The following TTC28 variants were observed in gnomAD, a reference collection of about 807,000 sequenced individuals.
TTC28 encodes tetratricopeptide repeat protein 28.
In TTC28, 61 loss-of-function variants were observed where a neutral mutation model predicts 198.0. That is an observed-to-expected ratio of 0.31 (90% CI 0.25 to 0.38). TTC28 has a LOEUF of 0.38. TTC28 is among the 10% of genes least tolerant of loss of function. The pLI is 1.00. For missense variants in TTC28, 2,678 were observed against 3,164.0 expected, an observed-to-expected ratio of 0.85 and a Z score of 3.69; for synonymous variants, 1,171 against 1,297.8, an observed-to-expected ratio of 0.90 and a Z score of 2.10.
intron 5 of TTC28, among the ~76,000 whole-genome samples, chr22:28,167,817 C>T (rs1355171661): frequency 1.3e-5 from 2 of 152,078 alleles, no homozygotes; most frequent in African/African-American, 2.4e-5. Context: ...GAAGTTCTGG[C>T]CAGGGCAATC....
Position 28,100,265 on chromosome 22 carries a change from C to T in TTC28, c.3417+906G>A, listed in dbSNP as rs567272907. Among the ~76,000 whole-genome samples the T allele has an allele frequency of 8.5e-5, 13 of 152,304 alleles. 1 individual carries two copies. Among genetic ancestry groups the T allele is most frequent in the African/African-American group, 3.1e-4 (13 of 41,568 alleles). ...GAGCGCTAAGAGAATGTGTTCCTAA[C>T]TCTGCCACTAATTGGCTGTGTGACT... On this transcript the variant is annotated intron_variant, in intron 9 of 22. Transcript: ENST00000397906.
chr22:27,998,740 G>A lies in TTC28; in HGVS notation c.4919C>T (p.Ala1640Val), dbSNP rs995877863. ...GGCAGCCAGGAAGGCCCTTGTCAGC[G>A]CGATGACCCCGTCGGCTGTGACTTT... is the stretch of plus-strand genomic sequence containing the variant. The part of the protein sequence containing the change: ...NSKVTADGVI[A>V]LTRAFLAAGA... Residue 1640 changes from alanine (A) to valine (V), a missense_variant, in exon 16 of 23, where the codon GCG becomes GTG. By Grantham distance (64) the Ala-to-Val change is moderately conservative (BLOSUM62 0). This residue lies in a region of TTC28 where 314 missense variants were observed against 442.7 expected (regional missense o/e 0.71). Coordinates refer to ENST00000397906, the MANE Select transcript of TTC28 (RefSeq NM_001145418.2). 65 of 1,550,716 alleles carry A rather than the reference G, an allele frequency of 4.2e-5. No individual in the cohort carries two copies. The highest frequency in any genetic ancestry group is 2.6e-4 in the African/African-American group (19 of 73,068).
intron 2 of TTC28, among the ~76,000 whole-genome samples, chr22:28,391,266 T>C (rs1439087444): frequency 3.3e-5 from 5 of 152,164 alleles, no homozygotes; most frequent in South Asian, 2.1e-4. Flanking sequence ...TCCCTGGCTG[T>C]CCTTAACATT....
chr22:28,632,208 A>C (rs2051184297), intron 1 of TTC28, among the ~76,000 whole-genome samples: 1 of 150,452 alleles, frequency 6.6e-6, no homozygotes, highest in Non-Finnish European at 1.5e-5. Context: ...CAAAACATTA[A>C]AGGATTCTGT....
chr22:28,506,587 T>C (rs2048616771), intron 2 of TTC28, among the ~76,000 whole-genome samples: 1 of 152,228 alleles, frequency 6.6e-6, no homozygotes. Flanking sequence ...AGCAGTTCTC[T>C]GATCCCATTC....
chr22:28,399,336 T>G (rs78803991), intron 2 of TTC28, among the ~76,000 whole-genome samples: 3,479 of 141,636 alleles, frequency 0.025, 92 homozygotes, highest in African/African-American at 0.085. Context: ...TTTTTTTTTT[T>G]GAGACAGGCT....
At chr22:27,990,051 C>T in intron 20 of TTC28, 44 bp from the exon 21 acceptor site, 1 of 1,532,608 alleles carries the variant, frequency 6.5e-7, no homozygotes, top group Non-Finnish European at 8.8e-7. Flanking sequence ...TCTCCTTCCC[C>T]TCCAGCCCAC....
chr22:28,260,394 A>G (rs1295273262), intron 5 of TTC28, among the ~76,000 whole-genome samples: 2 of 146,970 alleles, frequency 1.4e-5, no homozygotes, highest in East Asian at 1.9e-4. Flanking sequence ...TTTCTATTAC[A>G]TATGTTTATA....
chr22:28,655,667 C>T (rs1264838140), intron 1 of TTC28, among the ~76,000 whole-genome samples: 1 of 151,852 alleles, frequency 6.6e-6, no homozygotes, highest in Admixed American at 6.6e-5. Context: ...ATCGTGACCA[C>T]GGTGCAACCC....
chr22:28,456,576 C>A (rs945207565), intron 2 of TTC28, among the ~76,000 whole-genome samples: 1 of 151,996 alleles, frequency 6.6e-6, no homozygotes, highest in Non-Finnish European at 1.5e-5. Flanking sequence ...CTTTTTCTCT[C>A]ATAATTTTTT....
chr22:28,260,326 T>G (rs1569226664), intron 5 of TTC28, among the ~76,000 whole-genome samples: 1 of 152,172 alleles, frequency 6.6e-6, no homozygotes, highest in Admixed American at 6.6e-5. Flanking sequence ...TCCATTCTAT[T>G]TAGCTAATGG....
chr22:28,557,260 T>C (rs2049801058), intron 2 of TTC28, among the ~76,000 whole-genome samples: 1 of 152,222 alleles, frequency 6.6e-6, no homozygotes, highest in South Asian at 2.1e-4. Flanking sequence ...TTGTCTCTCC[T>C]GCATTTTCTT....
chr22:28,474,542 A>C (rs138394203), intron 2 of TTC28, among the ~76,000 whole-genome samples: 245 of 152,328 alleles, frequency 1.6e-3, no homozygotes, highest in African/African-American at 5.5e-3. Flanking sequence ...ATAATGAAAA[A>C]CATGTAGATG....
intron 5 of TTC28, among the ~76,000 whole-genome samples, chr22:28,167,100 C>A (rs1404469963): frequency 2.6e-5 from 4 of 152,182 alleles, no homozygotes; most frequent in African/African-American, 9.7e-5. Flanking sequence ...TCGACACATA[C>A]ACCCGCCCAA....
At chr22:28,396,730 T>C (rs1429896432) in intron 2 of TTC28, among the ~76,000 whole-genome samples, 3 of 152,196 alleles carry the variant, frequency 2.0e-5, no homozygotes, top group Non-Finnish European at 4.4e-5. Flanking sequence ...TATAAGGCTG[T>C]GGAAGAGTCT....
rs183042410 is a variant in TTC28 at position 28,564,222 on chromosome 22, T to C, written c.381+65330A>G. 3.4e-4 allele frequency among the ~76,000 whole-genome samples: 52 copies of C among 152,334 alleles called. 1 individual carries two copies. Among genetic ancestry groups the C allele is most frequent in the Admixed American group, 2.9e-3 (44 of 15,302 alleles). On this transcript the variant is annotated intron_variant, in intron 2 of 22. Transcript: ENST00000397906. ...AACTAAAGTTGGCTGCTGTATAATA[T>C]TGTGAATACACTAAATCCCATGAAT...
In TTC28 at chr22:28,005,249, G is replaced by A. The variant is rs116697465; in HGVS notation, c.4219-3696C>T. Among the ~76,000 whole-genome samples the A allele has an allele frequency of 5.8e-3, 880 of 152,346 alleles. 7 individuals carry two copies. The highest frequency in any genetic ancestry group is 0.02 in the African/African-American group (844 of 41,576). On this transcript the variant is annotated intron_variant, in intron 14 of 22. Coordinates refer to ENST00000397906, the MANE Select transcript of TTC28 (RefSeq NM_001145418.2). The surrounding 1 kb of genome is among the most constrained non-coding windows in gnomAD (Gnocchi z 4.9). ...TGTTCCAGGCCAGGTGAGGGAAAAG[G>A]GGAAAGACACAGTGCTGGGCAGGCA...
intron 12 of TTC28, among the ~76,000 whole-genome samples, chr22:28,040,314 T>C (rs368475611): frequency 6.6e-6 from 1 of 152,190 alleles, no homozygotes; most frequent in Admixed American, 6.5e-5. Flanking sequence ...ATATCCCTGA[T>C]GAACATCAGT....
At chr22:28,347,930 G>C (rs886388447) in intron 2 of TTC28, among the ~76,000 whole-genome samples, 1 of 152,260 alleles carries the variant, frequency 6.6e-6, no homozygotes, top group African/African-American at 2.4e-5. Flanking sequence ...GGAACTTAAA[G>C]CAGTGGGGTT....
Sources: allele counts gnomAD v4.1 joint callset (sites outside exome capture counted in the v4.1 genomes callset), GRCh38; gene constraint gnomAD v4.1.1; regional missense constraint gnomAD v4.1.1; non-coding constraint Gnocchi (gnomAD v3.1); transcripts MANE v1.5; gene names NCBI Gene and HGNC (gene_info 2026-07-23, HGNC 2026-07-21).